The following MS4A6A variants were observed in gnomAD, a reference collection of about 807,000 sequenced individuals.
MS4A6A encodes membrane-spanning 4-domains subfamily A member 6A.
In MS4A6A, 19 loss-of-function variants were observed where a neutral mutation model predicts 20.6. The ratio of observed to expected loss-of-function variants is 0.92; its 90% CI spans 0.64 to 1.36. The LOEUF (loss-of-function observed/expected upper bound fraction) is 1.36. MS4A6A is among the 40% of genes most tolerant of loss of function. MS4A6A has a pLI of 0.00. For synonymous variants in MS4A6A, 108 were observed against 105.0 expected (o/e 1.03, Z -0.17); for missense variants, 272 against 261.1 (o/e 1.04, Z -0.29).
downstream of MS4A6A, chr11:60,172,372 A>G (rs756848124): frequency 8.3e-4 from 1,215 of 1,460,242 alleles, 1 homozygote; most frequent in Middle Eastern, 1.5e-3. Context: ...TAAGTAGAGC[A>G]TATCACCAGG....
In MS4A6A at chr11:60,183,061, C is replaced by T. The variant is rs905548981; in HGVS notation, c.-98G>A. 1 of 1,496,574 alleles carries T rather than the reference C, an allele frequency of 6.7e-7. No homozygotes were observed. The highest frequency in any genetic ancestry group is 8.8e-7 in the Non-Finnish European group (1 of 1,130,728). 92.7% of individuals were successfully genotyped at this position (1,496,574 alleles called of 1,614,324 possible). On this transcript the variant is annotated 5_prime_UTR_variant, in exon 1 of 6. Transcript: ENST00000528851. The stretch of plus-strand genomic sequence containing the variant: ...TTCTCAGTCCCATCAACGGTTTCTA[C>T]TTACCTTCATCTTCTGAAAGTCATC...
intron 4 of MS4A6A, among the ~76,000 whole-genome samples, chr11:60,177,672 G>C (rs975818572): frequency 3.3e-5 from 5 of 152,142 alleles, no homozygotes; most frequent in African/African-American, 1.2e-4. Context: ...CTTCTGGTGA[G>C]ATAGATGAAA....
intron 3 of MS4A6A, chr11:60,179,556 T>C: frequency 1.7e-6 from 1 of 583,238 alleles, no homozygotes; most frequent in South Asian, 2.2e-5. Context: ...TTTTTTCGCC[T>C]AAACCTGGAG....
rs1254496399 is a variant in MS4A6A at position 60,178,229 on chromosome 11, T to C, written c.339+31A>G. ...TCTGTCTAAGTTTTATTTTGATCCA[T>C]TGGGTTGTGGGTTATAGCTCTCTTA... On this transcript the variant is annotated intron_variant, in intron 4 of 5. Coordinates refer to ENST00000528851, the MANE Select transcript of MS4A6A (RefSeq NM_022349.4). 17 of 1,579,454 alleles carry C rather than the reference T, an allele frequency of 1.1e-5. No individual in the cohort carries two copies. In the Admixed American group the frequency reaches 1.8e-4, roughly 17 times the overall value.
intron 2 of MS4A6A, chr11:60,180,262 G>C (rs947982079): frequency 2.5e-6 from 1 of 402,278 alleles, no homozygotes; most frequent in Admixed American, 4.1e-5. Flanking sequence ...CAAGTGCTGA[G>C]ATTTACTTTC....
chr11:60,172,943 T>G lies in MS4A6A; in HGVS notation c.*58A>C. 3 of 1,607,302 alleles carry G rather than the reference T, an allele frequency of 1.9e-6. No homozygotes were observed. The highest frequency in any genetic ancestry group is 2.6e-6 in the Non-Finnish European group (3 of 1,175,100). On this transcript the variant is annotated 3_prime_UTR_variant, in exon 6 of 6. Coordinates refer to ENST00000528851, the MANE Select transcript of MS4A6A (RefSeq NM_022349.4). ...ATCTCATGACTGACTGATTGTTCCT[T>G]CTACCACTCTTGGTGACATACTCAA...
intron 4 of MS4A6A, among the ~76,000 whole-genome samples, chr11:60,177,603 A>G (rs1472297476): frequency 6.6e-6 from 1 of 152,132 alleles, no homozygotes; most frequent in East Asian, 1.9e-4. Flanking sequence ...AATACAAATG[A>G]CTAAGGACAA....
chr11:60,180,316 T>C, intron 2 of MS4A6A: 1 of 239,124 alleles, frequency 4.2e-6, no homozygotes, highest in South Asian at 9.1e-5. Flanking sequence ...TAACTCTCTT[T>C]CTATCTCTCT....
chr11:60,171,867 A>C, downstream of MS4A6A: 2 of 230,248 alleles, frequency 8.7e-6, no homozygotes, highest in Non-Finnish European at 1.7e-5. Flanking sequence ...TTTTCTGGGA[A>C]ATGTTTCTGG....
downstream of MS4A6A, among the ~76,000 whole-genome samples, chr11:60,171,785 C>T (rs189659983): frequency 1.3e-5 from 2 of 152,188 alleles, no homozygotes; most frequent in Non-Finnish European, 2.9e-5. Context: ...TTAAGGGGTA[C>T]AATAAAAAGT....
At chr11:60,172,096 T>A, downstream of MS4A6A, 1 of 1,514,456 alleles carries the variant, frequency 6.6e-7, no homozygotes, top group South Asian at 1.2e-5. Flanking sequence ...TTTTCTATAA[T>A]GGTTAACTTT....
In MS4A6A at chr11:60,178,308, G is replaced by A; in HGVS notation, c.291C>T (p.Ile97=). 6.2e-7 allele frequency: 1 copy of A among 1,613,492 alleles called. No homozygotes were observed. The part of the protein sequence containing the change: ...YPFIGPFFFI[I]SGSLSIATEK... ...CTGTGGCGATTGATAGAGAGCCAGA[G>A]ATGATAAACTAAGATAAAAGAGAAA... The change falls in exon 4 of 6, where the codon ATC becomes ATT. Residue 97 remains isoleucine (I), a synonymous_variant. Coordinates refer to ENST00000528851, the MANE Select transcript of MS4A6A (RefSeq NM_022349.4).
chr11:60,179,883 TGG>T lies in MS4A6A; in HGVS notation c.228_229del (p.Gln77SerfsTer39). ...AGAGTTCAACAGTGTAGAAGTCACTTGGGTAAAATTTGGAGAGAAGGAAGCAG... is the reference window on the plus strand; with the variant it reads ...AGAGTTCAACAGTGTAGAAGTCACTTGTAAAATTTGGAGAGAAGGAAGCAG... On this transcript the variant is annotated frameshift_variant, in exon 3 of 6. Transcript: ENST00000528851. LOFTEE classifies it high-confidence loss of function. 1 of 1,614,058 alleles carries T rather than the reference TGG, an allele frequency of 6.2e-7. No homozygotes were observed. The highest frequency in any genetic ancestry group is 8.5e-7 in the Non-Finnish European group (1 of 1,180,008).
At chr11:60,171,703 A>G (rs551805585), downstream of MS4A6A, among the ~76,000 whole-genome samples, 10 of 152,332 alleles carry the variant, frequency 6.6e-5, no homozygotes, top group East Asian at 1.7e-3. Context: ...GTTAAAATAC[A>G]TAGGATAAAA....
In MS4A6A at chr11:60,172,737, G is replaced by C. The variant is rs572169932; in HGVS notation, c.*264C>G. On this transcript the variant is annotated 3_prime_UTR_variant, in exon 6 of 6. Coordinates refer to ENST00000528851, the MANE Select transcript of MS4A6A (RefSeq NM_022349.4). ...GCACAAACTCATAGCATAATGCCAG[G>C]CCAGTCATTTAACTTCCCAGAGTCT... is the stretch of plus-strand genomic sequence containing the variant. The C allele has an allele frequency of 7.2e-6, 9 of 1,250,784 alleles. No individual in the cohort carries two copies. Among genetic ancestry groups the C allele is most frequent in the African/African-American group, 6.1e-5 (4 of 65,250 alleles). The allele number at this position is 1,250,784 out of a possible 1,614,324, so 77.5% of individuals were successfully genotyped here. A position where few individuals can be genotyped will look rare whatever the true frequency, so the allele number is the denominator to read the frequency against.
intron 5 of MS4A6A, among the ~76,000 whole-genome samples, chr11:60,174,236 C>T (rs1362944224): frequency 6.6e-6 from 1 of 152,154 alleles, no homozygotes; most frequent in Admixed American, 6.5e-5. Flanking sequence ...TTTGACCAGA[C>T]CTTTCTATCT....
At chr11:60,175,368 A>G (rs749409948) in intron 5 of MS4A6A, 34 bp downstream of exon 5, 3 of 1,522,532 alleles carry the variant, frequency 2.0e-6, no homozygotes, top group East Asian at 2.3e-5. Context: ...TGAATACCTC[A>G]TAAGATTAGA....
chr11:60,182,290 G>A (rs1422634915), intron 1 of MS4A6A: 1 of 152,802 alleles, frequency 6.5e-6, no homozygotes, highest in Non-Finnish European at 1.5e-5. Context: ...GCAAAATAAA[G>A]TTTAAGTTAT....
upstream of MS4A6A, chr11:60,183,121 G>C (rs2083828198): frequency 6.5e-7 from 1 of 1,535,220 alleles, no homozygotes; most frequent in Admixed American, 2.0e-5. Flanking sequence ...CAGCTATACA[G>C]GATGTGATAC....
Sources: gnomAD v4.1 joint callset for allele counts (sites outside exome capture counted in the v4.1 genomes callset) on GRCh38, gnomAD v4.1.1 for gene constraint, MANE v1.5 for transcripts, NCBI Gene and HGNC (gene_info 2026-07-23, HGNC 2026-07-21) for gene names.